Variants in CNTNAP2 observed in about 807,000 individuals in gnomAD.
CNTNAP2 encodes the protein contactin-associated protein-like 2.
A neutral mutation model predicts 155.2 loss-of-function variants in CNTNAP2; 98 were observed. That is an observed-to-expected ratio of 0.63 (90% CI 0.54 to 0.75). The LOEUF is 0.75. CNTNAP2 is among the 30% of genes least tolerant of loss of function. CNTNAP2 has a pLI of 0.00. For synonymous variants in CNTNAP2, 651 were observed against 631.2 expected, an observed-to-expected ratio of 1.03 and a Z score of -0.47; for missense variants, 1,727 against 1,688.1, an observed-to-expected ratio of 1.02 and a Z score of -0.40.
intron 8 of CNTNAP2, among the ~76,000 whole-genome samples, chr7:147,296,813 C>T (rs756506248): frequency 2.0e-5 from 3 of 152,114 alleles, no homozygotes; most frequent in Non-Finnish European, 4.4e-5. Flanking sequence ...GAGATTGTTA[C>T]TATGGGCACC....
At chr7:146,643,444 A>C (rs1415914536) in intron 1 of CNTNAP2, among the ~76,000 whole-genome samples, 1 of 152,160 alleles carries the variant, frequency 6.6e-6, no homozygotes, top group African/African-American at 2.4e-5. Context: ...TGTTTTTCTC[A>C]GGTTTGTCAA....
At chr7:147,092,254 T>A (rs1486576775) in intron 4 of CNTNAP2, among the ~76,000 whole-genome samples, 1 of 152,232 alleles carries the variant, frequency 6.6e-6, no homozygotes, top group Non-Finnish European at 1.5e-5. Context: ...AATGTTTTTC[T>A]AAAATTAACT....
rs551617220 is a variant in CNTNAP2, at chr7:147,760,165, G to C, written c.2098+120859G>C. 3.3e-5 allele frequency among the ~76,000 whole-genome samples: 5 copies of C among 151,616 alleles called. No individual in the cohort carries two copies. In the South Asian group the frequency reaches 1.0e-3, roughly 32 times the overall value. On this transcript the variant is annotated intron_variant, in intron 13 of 23. Coordinates refer to ENST00000361727, the MANE Select transcript of CNTNAP2 (RefSeq NM_014141.6). ...ATGTGTGTGCCCCTCTCCATATGAT[G>C]ATTTATCATTTGTAACACACTCAGA...
chr7:146,942,447 T>G (rs974778671), intron 3 of CNTNAP2, among the ~76,000 whole-genome samples: 6 of 151,718 alleles, frequency 4.0e-5, no homozygotes, highest in Admixed American at 1.3e-4. Context: ...GAAAAAGGAG[T>G]GAGGTACAAG....
At chr7:148,122,810 C>T (rs1804627195) in intron 16 of CNTNAP2, among the ~76,000 whole-genome samples, 1 of 151,696 alleles carries the variant, frequency 6.6e-6, no homozygotes, top group East Asian at 1.9e-4. Context: ...GATCACACCA[C>T]TGCACTCCAG....
intron 17 of CNTNAP2, among the ~76,000 whole-genome samples, chr7:148,157,441 A>C (rs774850715): frequency 2.0e-5 from 3 of 152,136 alleles, no homozygotes; most frequent in Non-Finnish European, 4.4e-5. Flanking sequence ...TTTCCAAAGC[A>C]AGAAGGGTTT....
At chr7:147,948,769 A>G (rs1800866879) in intron 14 of CNTNAP2, among the ~76,000 whole-genome samples, 1 of 151,922 alleles carries the variant, frequency 6.6e-6, no homozygotes, top group East Asian at 1.9e-4. Flanking sequence ...GGACTCCCCA[A>G]AATTTTAACC....
At chr7:147,696,701 A>G (rs933016642) in intron 13 of CNTNAP2, among the ~76,000 whole-genome samples, 1 of 152,060 alleles carries the variant, frequency 6.6e-6, no homozygotes, top group African/African-American at 2.4e-5. Context: ...CTGGCAACAA[A>G]TTTCCTCTAT....
intron 1 of CNTNAP2, among the ~76,000 whole-genome samples, chr7:146,772,739 GAA>G (rs978438725): frequency 6.6e-6 from 1 of 152,088 alleles, no homozygotes; most frequent in Non-Finnish European, 1.5e-5. Context: ...AGAACATGGG[GAA>G]AGAGATAAGA....
At chr7:147,165,391 C>T (rs919704633) in intron 8 of CNTNAP2, among the ~76,000 whole-genome samples, 4 of 151,846 alleles carry the variant, frequency 2.6e-5, no homozygotes, top group African/African-American at 9.7e-5. Flanking sequence ...CTTGTAAAGT[C>T]TGGATATTAG....
In CNTNAP2 at chr7:146,120,455, A is replaced by G. The variant is rs571774967; in HGVS notation, c.97+3482A>G. ...AAATTTTACTCTTTACCATCAATATATGGCAAAATTGGGCAAAAAAATTAA... is the reference window on the plus strand; with the variant it reads ...AAATTTTACTCTTTACCATCAATATGTGGCAAAATTGGGCAAAAAAATTAA... On this transcript the variant is annotated intron_variant, in intron 1 of 23. Coordinates refer to ENST00000361727, the MANE Select transcript of CNTNAP2 (RefSeq NM_014141.6). Among the ~76,000 whole-genome samples the G allele has an allele frequency of 5.6e-4, 86 of 152,286 alleles. 4 individuals are homozygous for G. In the South Asian group the frequency reaches 0.017, roughly 30 times the overall value.
chr7:146,994,323 T>C (rs2129239424), intron 3 of CNTNAP2, among the ~76,000 whole-genome samples: 1 of 152,282 alleles, frequency 6.6e-6, no homozygotes, highest in African/African-American at 2.4e-5. Context: ...TTTCATGAAT[T>C]GTTTTAAGCA....
chr7:146,785,435 G>T (rs544940915), intron 2 of CNTNAP2, among the ~76,000 whole-genome samples: 54 of 152,248 alleles, frequency 3.5e-4, no homozygotes, highest in Non-Finnish European at 5.7e-4. Context: ...ATGCAGGTTT[G>T]ACTCTCAGAG....
At chr7:146,826,388 CA>C (rs1366735887) in intron 2 of CNTNAP2, among the ~76,000 whole-genome samples, 2 of 152,194 alleles carry the variant, frequency 1.3e-5, no homozygotes, top group Non-Finnish European at 2.9e-5. Context: ...TAAACAGTTC[CA>C]TTTAAATTCT....
rs564355310 is a variant in CNTNAP2, at chr7:148,355,656, G to A, written c.3476-27993G>A. Among the ~76,000 whole-genome samples, 47 of 152,280 alleles carry A rather than the reference G, an allele frequency of 3.1e-4. No individual in the cohort carries two copies. The South Asian group carries it at 7.3e-3, about 24-fold the overall frequency. On this transcript the variant is annotated intron_variant, in intron 21 of 23. Coordinates refer to ENST00000361727, the MANE Select transcript of CNTNAP2 (RefSeq NM_014141.6). ...TAAGTGAGCACCAACAGTACGCAGC[G>A]GCTGACACGTGTGAATCCATCTCTT...
chr7:148,187,278 T>C (rs1409653521), intron 18 of CNTNAP2, among the ~76,000 whole-genome samples: 1 of 152,156 alleles, frequency 6.6e-6, no homozygotes, highest in Non-Finnish European at 1.5e-5. Context: ...AGCAGAGACT[T>C]CTCTTTCTGA....
intron 12 of CNTNAP2, among the ~76,000 whole-genome samples, chr7:147,636,961 G>A (rs1795191094): frequency 6.6e-6 from 1 of 152,162 alleles, no homozygotes; most frequent in Admixed American, 6.5e-5. Context: ...GACAAAGGAA[G>A]CAGCAGGTGC....
chr7:147,680,422 G>A (rs1261165491), intron 13 of CNTNAP2, among the ~76,000 whole-genome samples: 1 of 151,860 alleles, frequency 6.6e-6, no homozygotes, highest in Non-Finnish European at 1.5e-5. Context: ...ATGAGAAGAT[G>A]GTATTTAAAA....
chr7:146,930,448 T>C (rs1354647007), intron 3 of CNTNAP2, among the ~76,000 whole-genome samples: 1 of 152,002 alleles, frequency 6.6e-6, no homozygotes, highest in Non-Finnish European at 1.5e-5. Flanking sequence ...GCACTAAACA[T>C]GGAAAGGAAC....
Sources: allele counts gnomAD v4.1 joint callset (sites outside exome capture counted in the v4.1 genomes callset), GRCh38; gene constraint gnomAD v4.1.1; transcripts MANE v1.5; gene names NCBI Gene and HGNC (gene_info 2026-07-23, HGNC 2026-07-21).